CSNK1E: variants seen among roughly 807,000 people sequenced by gnomAD.
CSNK1E encodes the protein casein kinase 1 epsilon, also known as casein kinase I isoform epsilon.
In CSNK1E, 17 loss-of-function variants were observed where a neutral mutation model predicts 46.1. The observed-to-expected ratio is 0.37, with a 90% confidence interval of 0.25 to 0.55. The LOEUF is 0.55. CSNK1E is among the 20% of genes least tolerant of loss of function. The probability of loss-of-function intolerance (pLI) is 0.82; values close to 1 mark genes in which losing one functional copy is unlikely to be tolerated. For synonymous variants in CSNK1E, 241 were observed against 242.6 expected (o/e 0.99, Z 0.06); for missense variants, 386 against 595.4 (o/e 0.65, Z 3.66).
At chr22:38,313,421 C>T (rs529930796) in intron 2 of CSNK1E, among the ~76,000 whole-genome samples, 55 of 152,360 alleles carry the variant, frequency 3.6e-4, no homozygotes, top group African/African-American at 1.3e-3. Context: ...CATGACCGTG[C>T]CCCTCAGAAG....
chr22:38,314,296 G>A lies in CSNK1E; in HGVS notation c.-12-127C>T, dbSNP rs2092734052. On this transcript the variant is annotated intron_variant, in intron 1 of 10. Coordinates refer to ENST00000396832, the MANE Select transcript of CSNK1E (RefSeq NM_152221.3). ...CATTCTCGAAGACCACATTCTGCAGGTGTCAGGTGGCCCACAGCCTGCACT... is the reference window on the plus strand; with the variant it reads ...CATTCTCGAAGACCACATTCTGCAGATGTCAGGTGGCCCACAGCCTGCACT... 6.0e-6 allele frequency: 4 copies of A among 665,140 alleles called. No individual in the cohort carries two copies. The South Asian group carries it at 6.8e-5, about 11-fold the overall frequency. 41.2% of individuals were successfully genotyped at this position (665,140 alleles called of 1,614,324 possible). A position where few individuals can be genotyped will look rare whatever the true frequency, so the allele number is the denominator to read the frequency against.
intron 2 of CSNK1E, among the ~76,000 whole-genome samples, chr22:38,308,750 C>T (rs973029242): frequency 3.9e-5 from 6 of 151,966 alleles, no homozygotes; most frequent in African/African-American, 1.5e-4. Flanking sequence ...GGAGAGCCTC[C>T]GGGAGGGCAG....
intron 7 of CSNK1E, chr22:38,295,478 G>GCCCCCAACTCA: frequency 1.3e-6 from 1 of 766,884 alleles, no homozygotes; most frequent in Non-Finnish European, 1.6e-6. Context: ...GGCTGAGTTG[G>GCCCCCAACTCA]GGGCCTGCTC....
intron 2 of CSNK1E, among the ~76,000 whole-genome samples, chr22:38,312,659 C>T (rs963452363): frequency 3.3e-5 from 5 of 152,208 alleles, no homozygotes; most frequent in Non-Finnish European, 5.9e-5. Context: ...CAGCAATGAA[C>T]TGCACATCTG....
intron 9 of CSNK1E, among the ~76,000 whole-genome samples, chr22:38,293,573 A>G (rs1012352720): frequency 3.9e-5 from 6 of 152,004 alleles, no homozygotes; most frequent in African/African-American, 1.4e-4. Context: ...TAGATGGCCA[A>G]TGAGGGTTCT....
chr22:38,305,506 T>TA (rs2145842551), intron 2 of CSNK1E, among the ~76,000 whole-genome samples: 1 of 129,276 alleles, frequency 7.7e-6, no homozygotes, highest in East Asian at 2.2e-4. Context: ...ACACCGGAAA[T>TA]AAAGTCCTAA....
chr22:38,316,790 G>C (rs1417548411), intron 1 of CSNK1E: 2 of 152,100 alleles, frequency 1.3e-5, no homozygotes, highest in African/African-American at 4.8e-5. Context: ...ACGCGGGCCC[G>C]AATCAACAGT....
Position 38,298,229 on chromosome 22 carries a change from G to C in CSNK1E, c.885+557C>G. 1 of 1,298,504 alleles carries C rather than the reference G, an allele frequency of 7.7e-7. No homozygotes were observed. The highest frequency in any genetic ancestry group is 5.6e-5 in the East Asian group (1 of 17,982). The allele number at this position is 1,298,504 out of a possible 1,614,324, so 80.4% of individuals were successfully genotyped here. A position where few individuals can be genotyped will look rare whatever the true frequency, so the allele number is the denominator to read the frequency against. On this transcript the variant is annotated intron_variant, in intron 7 of 10. Coordinates refer to ENST00000396832, the MANE Select transcript of CSNK1E (RefSeq NM_152221.3). The surrounding 1 kb of genome is among the most constrained non-coding windows in gnomAD (Gnocchi z 4.2). ...CTTTTCCAGAAGAGATGTGAAACAA[G>C]ACATACAATTTCACAGATTCCAGAG...
chr22:38,311,564 G>A (rs573427611), intron 2 of CSNK1E, among the ~76,000 whole-genome samples: 1 of 152,280 alleles, frequency 6.6e-6, no homozygotes, highest in African/African-American at 2.4e-5. Context: ...CTGTCTCCAT[G>A]CCCTTTGACC....
intron 2 of CSNK1E, among the ~76,000 whole-genome samples, chr22:38,308,831 G>C (rs2092709440): frequency 6.6e-6 from 1 of 152,086 alleles, no homozygotes; most frequent in African/African-American, 2.4e-5. Context: ...ACAAGCAGAG[G>C]CCCAACAGCA....
Position 38,293,261 on chromosome 22 carries a change from A to G in CSNK1E, c.*26T>C. 2 of 1,613,034 alleles carry G rather than the reference A, an allele frequency of 1.2e-6. No homozygotes were observed. Among genetic ancestry groups the G allele is most frequent in the Non-Finnish European group, 1.7e-6 (2 of 1,179,644 alleles). On this transcript the variant is annotated 3_prime_UTR_variant, in exon 10 of 11. Transcript: ENST00000396832. The stretch of plus-strand genomic sequence containing the variant: ...GCAGCAGTCATGGACTCACCTAAGC[A>G]AACACTGGTCCAATGGGGGCTCTCC...
chr22:38,294,481 G>T lies in CSNK1E; in HGVS notation c.939C>A (p.Arg313=). 1 of 1,593,676 alleles carries T rather than the reference G, an allele frequency of 6.3e-7. No homozygotes were observed. Among genetic ancestry groups the T allele is most frequent in the Non-Finnish European group, 8.5e-7 (1 of 1,171,352 alleles). ...DVDRERREHE[R]EERMGQLRGS... is the part of the protein sequence containing the mutation. The stretch of plus-strand genomic sequence containing the variant: ...CCCGTAGCTGCCCCATCCTCTCCTC[G>T]CGTTCGTGTTCTCGCCGCTCCCGGT... The change falls in exon 8 of 11, where the codon CGC becomes CGA. Residue 313 remains arginine (R), a synonymous_variant. Coordinates refer to ENST00000396832, the MANE Select transcript of CSNK1E (RefSeq NM_152221.3). The surrounding 1 kb of genome is among the most constrained non-coding windows in gnomAD (Gnocchi z 5.5).
chr22:38,307,367 G>A lies in CSNK1E; in HGVS notation c.77-4119C>T, dbSNP rs192797657. Among the ~76,000 whole-genome samples the A allele has an allele frequency of 3.1e-4, 47 of 152,172 alleles. No homozygotes were observed. The East Asian group carries it at 8.9e-3, about 29-fold the overall frequency. On this transcript the variant is annotated intron_variant, in intron 2 of 10. Coordinates refer to ENST00000396832, the MANE Select transcript of CSNK1E (RefSeq NM_152221.3). Reference sequence around the variant, plus strand: ...AGTTCCAGACCAGCCTGACCACCATGATGAAACCCCATCTCTACTAAAAAT... The same window carrying A: ...AGTTCCAGACCAGCCTGACCACCATAATGAAACCCCATCTCTACTAAAAAT...
In CSNK1E at chr22:38,298,173, C is replaced by A. The variant is rs1343770054; in HGVS notation, c.885+613G>T. The stretch of plus-strand genomic sequence containing the variant: ...GGTCCCTTCGCTGTCATGGGGCTGT[C>A]ACGGGGCTGAGCCTGGCTCGAGGAA... On this transcript the variant is annotated intron_variant, in intron 7 of 10. Transcript: ENST00000396832. This position sits in a 1 kb window ranked among gnomAD's most constrained non-coding sequence, Gnocchi z 4.2. 5 of 1,303,264 alleles carry A rather than the reference C, an allele frequency of 3.8e-6. No individual in the cohort carries two copies. In the South Asian group the frequency reaches 6.2e-5, roughly 16 times the overall value. 80.7% of individuals were successfully genotyped at this position (1,303,264 alleles called of 1,614,324 possible).
chr22:38,298,962 G>A lies in CSNK1E; in HGVS notation c.737-28C>T, dbSNP rs746638209. 42 of 1,613,224 alleles carry A rather than the reference G, an allele frequency of 2.6e-5. No homozygotes were observed. The highest frequency in any genetic ancestry group is 1.0e-4 in the Admixed American group (6 of 59,984). On this transcript the variant is annotated intron_variant, in intron 6 of 10. Transcript: ENST00000396832. The surrounding 1 kb of genome is among the most constrained non-coding windows in gnomAD (Gnocchi z 4.2). ...GGAGGGTGTTGCAGAGGATAGAGAAGGCCACTGTGAGGCCCACGCTCCCAG... is the reference window on the plus strand; with the variant it reads ...GGAGGGTGTTGCAGAGGATAGAGAAAGCCACTGTGAGGCCCACGCTCCCAG...
At chr22:38,316,933 C>G (rs2092749731) in intron 1 of CSNK1E, 1 of 151,918 alleles carries the variant, frequency 6.6e-6, no homozygotes, top group African/African-American at 2.4e-5. Flanking sequence ...GGGCCTCCCC[C>G]GCGAGCCTGC....
intron 7 of CSNK1E, among the ~76,000 whole-genome samples, chr22:38,295,170 C>T (rs558784041): frequency 3.1e-4 from 47 of 152,288 alleles, no homozygotes; most frequent in African/African-American, 1.1e-3. Context: ...CCACAGACAC[C>T]GCCTGCCTTG....
intron 2 of CSNK1E, among the ~76,000 whole-genome samples, chr22:38,310,817 C>T (rs1426568398): frequency 6.6e-6 from 1 of 152,302 alleles, no homozygotes; most frequent in East Asian, 1.9e-4. Context: ...GCTTGGAGGA[C>T]GCATCCAGCC....
At chr22:38,313,043 G>A (rs898855288) in intron 2 of CSNK1E, among the ~76,000 whole-genome samples, 33 of 152,164 alleles carry the variant, frequency 2.2e-4, no homozygotes, top group African/African-American at 8.0e-4. Flanking sequence ...TACCCTGCAA[G>A]GAAGTGGTCA....
Sources: allele counts gnomAD v4.1 joint callset (sites outside exome capture counted in the v4.1 genomes callset), GRCh38; gene constraint gnomAD v4.1.1; non-coding constraint Gnocchi (gnomAD v3.1); transcripts MANE v1.5; gene names NCBI Gene and HGNC (gene_info 2026-07-23, HGNC 2026-07-21).